The following ZC2HC1B variants were observed in gnomAD, a reference collection of about 807,000 sequenced individuals.
ZC2HC1B encodes zinc finger C2HC domain-containing protein 1B.
Under a neutral mutation model 31.0 loss-of-function variants are expected in ZC2HC1B, and 36 were observed. The ratio of observed to expected loss-of-function variants is 1.16; its 90% CI spans 0.89 to 1.54. The LOEUF is 1.54. Ranked by LOEUF, ZC2HC1B falls within the 40% of genes most tolerant of loss-of-function variation. The probability of loss-of-function intolerance (pLI) is 0.00; values close to 1 mark genes in which losing one functional copy is unlikely to be tolerated. For missense variants in ZC2HC1B, 260 were observed against 268.6 expected (o/e 0.97, Z 0.22); for synonymous variants, 73 against 88.0 (o/e 0.83, Z 0.95).
In ZC2HC1B at chr6:143,864,476, TATG is replaced by T. The variant is rs1777231781; in HGVS notation, c.-60_-58del. 2.0e-6 allele frequency: 3 copies of T among 1,510,318 alleles called. No homozygotes were observed. The highest frequency in any genetic ancestry group is 2.7e-6 in the Non-Finnish European group (3 of 1,110,858). The allele number at this position is 1,510,318 out of a possible 1,614,324, so 93.6% of individuals were successfully genotyped here. A position where few individuals can be genotyped will look rare whatever the true frequency, so the allele number is the denominator to read the frequency against. On this transcript the variant is annotated 5_prime_UTR_variant, in exon 1 of 8. The change abolishes an upstream ATG in the 5' untranslated region. Transcript: ENST00000237275. ...GGTCCTGGTTTATGTTCTTGACTAG[TATG>T]ATGTTATCTGGACTGGGCTGTAAAA...
At chr6:143,909,063 A>G (rs1481607188) in intron 6 of ZC2HC1B, among the ~76,000 whole-genome samples, 3 of 152,214 alleles carry the variant, frequency 2.0e-5, no homozygotes, top group South Asian at 2.1e-4. Flanking sequence ...TATGTAATGT[A>G]TCACATTTAT....
intron 1 of ZC2HC1B, among the ~76,000 whole-genome samples, chr6:143,874,699 A>G (rs928921137): frequency 1.3e-5 from 2 of 152,240 alleles, no homozygotes; most frequent in African/African-American, 4.8e-5. Flanking sequence ...AGCATGGGAA[A>G]GACCAGCCCC....
At chr6:143,929,392 T>G (rs1250623737) in intron 6 of ZC2HC1B, among the ~76,000 whole-genome samples, 7 of 152,260 alleles carry the variant, frequency 4.6e-5, no homozygotes, top group African/African-American at 9.6e-5. Context: ...TTTATTGATA[T>G]GCATATGTTG....
intron 1 of ZC2HC1B, among the ~76,000 whole-genome samples, chr6:143,878,581 A>C (rs1449061851): frequency 6.6e-6 from 1 of 150,712 alleles, no homozygotes; most frequent in Non-Finnish European, 1.5e-5. Context: ...AAATATGTGC[A>C]TTAGGTAAAC....
chr6:143,901,303 A>G (rs1364797409), intron 5 of ZC2HC1B, among the ~76,000 whole-genome samples: 1 of 111,684 alleles, frequency 9.0e-6, no homozygotes, highest in African/African-American at 3.7e-5. Flanking sequence ...TCTGTTGCCC[A>G]GGCTGGAGTG....
chr6:143,895,389 C>G lies in ZC2HC1B; in HGVS notation c.350-3163C>G, dbSNP rs934345545. 6.6e-6 allele frequency among the ~76,000 whole-genome samples: 1 copy of G among 152,130 alleles called. No individual in the cohort carries two copies. Among genetic ancestry groups the G allele is most frequent in the Non-Finnish European group, 1.5e-5 (1 of 68,032 alleles). On this transcript the variant is annotated intron_variant, in intron 4 of 7. Coordinates refer to ENST00000237275, the MANE Select transcript of ZC2HC1B (RefSeq NM_001013623.3). The surrounding 1 kb of genome is among the most constrained non-coding windows in gnomAD (Gnocchi z 4.8). Reference sequence around the variant, plus strand: ...TATTGGTCAGGCTGATCTTGAACTCCTGACCTCAGGTAATGCACATGCCTC... The same window carrying G: ...TATTGGTCAGGCTGATCTTGAACTCGTGACCTCAGGTAATGCACATGCCTC...
At chr6:143,897,470 G>T (rs540474863) in intron 4 of ZC2HC1B, among the ~76,000 whole-genome samples, 122 of 151,316 alleles carry the variant, frequency 8.1e-4, no homozygotes, top group African/African-American at 2.7e-3. Context: ...AACCAATTAT[G>T]TCTGTTAATT....
rs576251597 is a variant in ZC2HC1B, at chr6:143,885,961, C to G, written c.91-71C>G. 66 of 1,427,408 alleles carry G rather than the reference C, an allele frequency of 4.6e-5. No individual in the cohort carries two copies. In the East Asian group the frequency reaches 1.6e-3, roughly 36 times the overall value. 88.4% of individuals were successfully genotyped at this position (1,427,408 alleles called of 1,614,324 possible). ...ACATAGTCCCTGGAGTGGGGGCTGT[C>G]TAGGTACACCTAGGCATTAAAAACT... On this transcript the variant is annotated intron_variant, in intron 2 of 7. Coordinates refer to ENST00000237275, the MANE Select transcript of ZC2HC1B (RefSeq NM_001013623.3). This position sits in a 1 kb window ranked among gnomAD's most constrained non-coding sequence, Gnocchi z 4.2.
intron 1 of ZC2HC1B, among the ~76,000 whole-genome samples, chr6:143,876,747 G>A (rs1000361289): frequency 2.0e-5 from 3 of 150,694 alleles, no homozygotes; most frequent in Non-Finnish European, 3.0e-5. Flanking sequence ...CAAAACTGAA[G>A]AACTTGGAGT....
At position 143,903,141 on chromosome 6, in the gene ZC2HC1B, C is replaced by A; in HGVS notation, c.587C>A (p.Pro196Gln). Residue 196 changes from proline to glutamine, a missense_variant, in exon 6 of 8, where the codon CCA becomes CAA. Transcript: ENST00000237275. This position sits in a 1 kb window ranked among gnomAD's most constrained non-coding sequence, Gnocchi z 4.3. ...GTCCTGGTGGCCACGAATGAAGTCCCAACCAAGTCAGGTGAGTCAAAGCAC... is the reference window on the plus strand; with the variant it reads ...GTCCTGGTGGCCACGAATGAAGTCCAAACCAAGTCAGGTGAGTCAAAGCAC... ...NRVLVATNEV[P>Q]TKSGLAMDPA... 6.4e-7 allele frequency: 1 copy of A among 1,552,146 alleles called. No homozygotes were observed. The highest frequency in any genetic ancestry group is 8.7e-7 in the Non-Finnish European group (1 of 1,147,078).
intron 5 of ZC2HC1B, among the ~76,000 whole-genome samples, chr6:143,901,115 A>C (rs559174940): frequency 1.3e-5 from 2 of 152,176 alleles, no homozygotes; most frequent in East Asian, 3.9e-4. Flanking sequence ...CTGGGATGAC[A>C]GGCATGAGCC....
rs570418030 is a variant in ZC2HC1B, at chr6:143,867,261, A to G, written c.28+2694A>G. 3.3e-5 allele frequency among the ~76,000 whole-genome samples: 5 copies of G among 152,354 alleles called. No individual in the cohort carries two copies. The South Asian group carries it at 1.0e-3, about 32-fold the overall frequency. On this transcript the variant is annotated intron_variant, in intron 1 of 7. Transcript: ENST00000237275. ...TTCCTTCTTTTTTAAAGCCACTTGT[A>G]TAGTATCCTTAAACACAACATCTTG...
Position 143,868,938 on chromosome 6 carries a change from C to T in ZC2HC1B, c.28+4371C>T, listed in dbSNP as rs1283235677. The stretch of plus-strand genomic sequence containing the variant: ...TCTTCTTAGTACACGTGTGTACATG[C>T]ACAAACATGTTTTTAACAAAAGAAG... On this transcript the variant is annotated intron_variant, in intron 1 of 7. Transcript: ENST00000237275. The surrounding 1 kb of genome is among the most constrained non-coding windows in gnomAD (Gnocchi z 4.2). 1.3e-5 allele frequency among the ~76,000 whole-genome samples: 2 copies of T among 152,160 alleles called. No individual in the cohort carries two copies. Among genetic ancestry groups the T allele is most frequent in the Non-Finnish European group, 2.9e-5 (2 of 68,020 alleles).
chr6:143,872,808 T>C lies in ZC2HC1B; in HGVS notation c.28+8241T>C, dbSNP rs537313801. Among the ~76,000 whole-genome samples, 7 of 152,284 alleles carry C rather than the reference T, an allele frequency of 4.6e-5. No homozygotes were observed. The South Asian group carries it at 1.5e-3, about 32-fold the overall frequency. On this transcript the variant is annotated intron_variant, in intron 1 of 7. Coordinates refer to ENST00000237275, the MANE Select transcript of ZC2HC1B (RefSeq NM_001013623.3). The surrounding 1 kb of genome is among the most constrained non-coding windows in gnomAD (Gnocchi z 5.5). ...AGCATGGGAAAGACCGGCCCCCATT[T>C]AGTTATCTTCCTCTGGGTCCCTCCC...
Position 143,933,980 on chromosome 6 carries a change from A to G in ZC2HC1B, c.599-3669A>G, listed in dbSNP as rs557873795. Among the ~76,000 whole-genome samples, 164 of 152,280 alleles carry G rather than the reference A, an allele frequency of 1.1e-3. No homozygotes were observed. Among genetic ancestry groups the G allele is most frequent in the African/African-American group, 3.5e-3 (145 of 41,538 alleles). On this transcript the variant is annotated intron_variant, in intron 6 of 7. Transcript: ENST00000237275. This position sits in a 1 kb window ranked among gnomAD's most constrained non-coding sequence, Gnocchi z 6.4. The stretch of plus-strand genomic sequence containing the variant: ...TGCCTTCCCCGAGGGCTCTTGTGAG[A>G]TAGAGTCAGGGATGGCTTCCCTGGG...
rs1777783765 is a variant in ZC2HC1B, at chr6:143,905,610, A to T, written c.598+2458A>T. 6.6e-6 allele frequency among the ~76,000 whole-genome samples: 1 copy of T among 152,118 alleles called. No homozygotes were observed. Reference sequence around the variant, plus strand: ...TACTTCATTAAATAGAAGTGGTGAAAATTAGCACACTTGCATTGTTCTTGA... The same window carrying T: ...TACTTCATTAAATAGAAGTGGTGAATATTAGCACACTTGCATTGTTCTTGA... On this transcript the variant is annotated intron_variant, in intron 6 of 7. Coordinates refer to ENST00000237275, the MANE Select transcript of ZC2HC1B (RefSeq NM_001013623.3). The surrounding 1 kb of genome is among the most constrained non-coding windows in gnomAD (Gnocchi z 4.2).
chr6:143,874,170 C>A (rs529103445), intron 1 of ZC2HC1B, among the ~76,000 whole-genome samples: 6 of 152,046 alleles, frequency 3.9e-5, no homozygotes, highest in African/African-American at 1.5e-4. Context: ...GAAATGCCAT[C>A]AGTCTCTTTG....
intron 4 of ZC2HC1B, among the ~76,000 whole-genome samples, chr6:143,892,136 A>C (rs780239940): frequency 2.8e-4 from 42 of 152,120 alleles, no homozygotes; most frequent in Admixed American, 1.2e-3. Context: ...TTTGGCTCAC[A>C]GTTCTGCAGG....
chr6:143,912,150 G>GA (rs1464143090), intron 6 of ZC2HC1B, among the ~76,000 whole-genome samples: 1 of 152,044 alleles, frequency 6.6e-6, no homozygotes, highest in Non-Finnish European at 1.5e-5. Context: ...TGGCTATTTG[G>GA]GCTCTCGGCT....
Sources: gnomAD v4.1 joint callset for allele counts (sites outside exome capture counted in the v4.1 genomes callset) on GRCh38, gnomAD v4.1.1 for gene constraint, Gnocchi (gnomAD v3.1) non-coding constraint, MANE v1.5 for transcripts, NCBI Gene and HGNC (gene_info 2026-07-23, HGNC 2026-07-21) for gene names.